The following NLGN1 variants were observed in gnomAD, a reference collection of about 807,000 sequenced individuals.
NLGN1 encodes the protein neuroligin-1.
NLGN1 carries 12 observed loss-of-function variants against 65.5 expected under a neutral mutation model. That is an observed-to-expected ratio of 0.18 (90% confidence interval 0.12 to 0.30). NLGN1 has a LOEUF of 0.30. Among genes scored for constraint, NLGN1 ranks in the 10% least tolerant of loss-of-function variants. The probability of loss-of-function intolerance (pLI) is 1.00; values close to 1 mark genes in which losing one functional copy is unlikely to be tolerated. For synonymous variants in NLGN1, 350 were observed against 359.5 expected, an observed-to-expected ratio of 0.97 and a Z score of 0.30; for missense variants, 750 against 1,007.1, an observed-to-expected ratio of 0.74 and a Z score of 3.46.
chr3:173,730,049 CTATT>C (rs1417979157), intron 3 of NLGN1, among the ~76,000 whole-genome samples: 3 of 151,478 alleles, frequency 2.0e-5, no homozygotes, highest in Non-Finnish European at 2.9e-5. Flanking sequence ...GAAAAAAAAA[CTATT>C]TATTGAGTGC....
intron 4 of NLGN1, among the ~76,000 whole-genome samples, chr3:174,164,782 G>C (rs1046508654): frequency 1.3e-5 from 2 of 151,964 alleles, no homozygotes; most frequent in African/African-American, 4.8e-5. Flanking sequence ...ATAGTTTGAA[G>C]TTACATAGTG....
intron 3 of NLGN1, chr3:173,644,410 A>T (rs1460124150): frequency 1.3e-5 from 2 of 155,340 alleles, no homozygotes; most frequent in Non-Finnish European, 1.5e-5. Flanking sequence ...GGACGCATGT[A>T]CCTGTGTCTG....
intron 4 of NLGN1, among the ~76,000 whole-genome samples, chr3:174,147,450 T>TG (rs1723528915): frequency 8.1e-6 from 1 of 123,556 alleles, no homozygotes; most frequent in East Asian, 2.4e-4. Flanking sequence ...TTTTTTTTTT[T>TG]GAGACAGAGT....
At chr3:173,555,656 A>AT (rs1415827837) in intron 2 of NLGN1, among the ~76,000 whole-genome samples, 3 of 151,738 alleles carry the variant, frequency 2.0e-5, no homozygotes, top group East Asian at 1.9e-4. Flanking sequence ...AAATATACAT[A>AT]TTTTTTTGTA....
intron 3 of NLGN1, among the ~76,000 whole-genome samples, chr3:173,771,669 A>T (rs935816240): frequency 6.6e-6 from 1 of 150,474 alleles, no homozygotes; most frequent in African/African-American, 2.5e-5. Flanking sequence ...ATTACCAAGA[A>T]TGACCTCCAA....
At chr3:173,660,273 C>T (rs531688606) in intron 3 of NLGN1, among the ~76,000 whole-genome samples, 2 of 151,904 alleles carry the variant, frequency 1.3e-5, no homozygotes, top group Admixed American at 1.3e-4. Flanking sequence ...CCAAGGAACA[C>T]TTGTTTCAGT....
At chr3:174,076,718 A>AGTGT (rs1741039422) in intron 4 of NLGN1, among the ~76,000 whole-genome samples, 1 of 121,262 alleles carries the variant, frequency 8.2e-6, no homozygotes, top group Non-Finnish European at 1.7e-5. Flanking sequence ...AGAGAGAGAG[A>AGTGT]GAGAGAGTGT....
Position 173,412,311 on chromosome 3 carries a change from G to GACACACACACACACACACAC in NLGN1, c.-390+13838_-390+13857dup, listed in dbSNP as rs71162345. On this transcript the variant is annotated intron_variant, in intron 1 of 6. Coordinates refer to ENST00000457714, the Ensembl canonical transcript of NLGN1. ...TGCTCAATGCATTCTCTCTCACTCTGACACACACACACACACACACACACA... is the reference window on the plus strand; with the variant it reads ...TGCTCAATGCATTCTCTCTCACTCTGACACACACACACACACACACACACACACACACACACACACACACA... 2.0e-5 allele frequency among the ~76,000 whole-genome samples: 3 copies of GACACACACACACACACACAC among 147,638 alleles called. No homozygotes were observed. In the South Asian group the frequency reaches 6.6e-4, roughly 32 times the overall value.
At chr3:174,074,713 C>T (rs1056638231) in intron 4 of NLGN1, among the ~76,000 whole-genome samples, 1 of 152,164 alleles carries the variant, frequency 6.6e-6, no homozygotes, top group Non-Finnish European at 1.5e-5. Context: ...TTCCCAGTGC[C>T]AACTCACTAG....
intron 4 of NLGN1, among the ~76,000 whole-genome samples, chr3:173,993,924 G>A (rs1011801158): frequency 1.3e-5 from 2 of 151,820 alleles, no homozygotes; most frequent in African/African-American, 4.8e-5. Flanking sequence ...ATGAGTGTGT[G>A]TGTGTGTATG....
At chr3:173,478,857 A>G (rs892978997) in intron 2 of NLGN1, among the ~76,000 whole-genome samples, 2 of 151,890 alleles carry the variant, frequency 1.3e-5, no homozygotes, top group Admixed American at 6.6e-5. Context: ...GCACCACTGC[A>G]CTCCAGCATG....
intron 4 of NLGN1, among the ~76,000 whole-genome samples, chr3:173,975,445 G>A (rs1579517749): frequency 6.6e-6 from 1 of 152,036 alleles, no homozygotes; most frequent in Admixed American, 6.6e-5. Context: ...TTGGTGCTGT[G>A]CAAACCGAGG....
intron 2 of NLGN1, among the ~76,000 whole-genome samples, chr3:173,453,636 A>C (rs1227706311): frequency 2.0e-5 from 3 of 152,154 alleles, no homozygotes; most frequent in Non-Finnish European, 4.4e-5. Flanking sequence ...CACTTTCTTC[A>C]CTTATCCATA....
chr3:173,592,193 T>C (rs1037966754), intron 2 of NLGN1, among the ~76,000 whole-genome samples: 1 of 152,156 alleles, frequency 6.6e-6, no homozygotes, highest in African/African-American at 2.4e-5. Flanking sequence ...TATTTGGAGA[T>C]TACACCTGAA....
Position 173,518,221 on chromosome 3 carries a change from T to G in NLGN1, c.-321+83143T>G, listed in dbSNP as rs1293820105. On this transcript the variant is annotated intron_variant, in intron 2 of 6. Coordinates refer to ENST00000457714, the Ensembl canonical transcript of NLGN1. ...AAAAGTATCTTATTTTCATTTGCAT[T>G]TGCATTTGTGCTAATATAAGAAAGA... is the stretch of plus-strand genomic sequence containing the variant. Among the ~76,000 whole-genome samples the G allele has an allele frequency of 3.9e-5, 6 of 152,082 alleles. No individual in the cohort carries two copies. In the East Asian group the frequency reaches 9.6e-4, roughly 24 times the overall value.
intron 2 of NLGN1, among the ~76,000 whole-genome samples, chr3:173,565,454 T>C (rs754244738): frequency 1.3e-5 from 2 of 152,286 alleles, no homozygotes; most frequent in Non-Finnish European, 2.9e-5. Context: ...TGAATTCCTA[T>C]TTGGTCTACT....
chr3:174,192,273 A>C (rs1732542989), intron 4 of NLGN1, among the ~76,000 whole-genome samples: 1 of 152,140 alleles, frequency 6.6e-6, no homozygotes, highest in Non-Finnish European at 1.5e-5. Context: ...TAAACATAAA[A>C]CTCATTTACT....
intron 4 of NLGN1, among the ~76,000 whole-genome samples, chr3:173,899,106 A>T (rs1408749461): frequency 6.6e-6 from 1 of 152,170 alleles, no homozygotes; most frequent in East Asian, 1.9e-4. Context: ...GCAAGAAGCC[A>T]GTTTTATTCC....
At chr3:174,114,246 A>G (rs1018172195) in intron 4 of NLGN1, among the ~76,000 whole-genome samples, 2 of 151,576 alleles carry the variant, frequency 1.3e-5, no homozygotes, top group Non-Finnish European at 2.9e-5. Context: ...ACATGGCTTT[A>G]ATGGCACTAC....
Sources: gnomAD v4.1 joint callset for allele counts (sites outside exome capture counted in the v4.1 genomes callset) on GRCh38, gnomAD v4.1.1 for gene constraint, MANE v1.5 for transcripts, NCBI Gene and HGNC (gene_info 2026-07-23, HGNC 2026-07-21) for gene names.